The following ZNF654 variants were observed in gnomAD, a reference collection of about 807,000 sequenced individuals.
ZNF654 encodes zinc finger protein 654.
A neutral mutation model predicts 95.3 loss-of-function variants in ZNF654; 19 were observed. The observed-to-expected ratio is 0.20, with a 90% CI of 0.14 to 0.29. ZNF654 has a LOEUF of 0.29. Ranked by LOEUF, ZNF654 falls within the 10% of genes least tolerant of loss-of-function variation. The pLI is 1.00. For synonymous variants in ZNF654, 413 were observed against 457.9 expected (o/e 0.90, Z 1.25); for missense variants, 1,046 against 1,341.0 (o/e 0.78, Z 3.44).
intron 2 of ZNF654, among the ~76,000 whole-genome samples, chr3:88,105,587 A>G (rs1704686227): frequency 6.6e-6 from 1 of 152,168 alleles, no homozygotes; most frequent in Admixed American, 6.5e-5. Context: ...GTTGCTAAAT[A>G]TGCCCAGTGT....
intron 1 of ZNF654, among the ~76,000 whole-genome samples, chr3:88,075,802 T>C (rs1488980567): frequency 2.6e-5 from 4 of 152,162 alleles, no homozygotes; most frequent in Non-Finnish European, 5.9e-5. Context: ...TCTTGTAGTG[T>C]CTTCCGTAAT....
Position 88,129,028 on chromosome 3 carries a change from T to C in ZNF654, c.753+17T>C. The C allele has an allele frequency of 1.3e-6, 2 of 1,517,504 alleles. No individual in the cohort carries two copies. The highest frequency in any genetic ancestry group is 1.8e-6 in the Non-Finnish European group (2 of 1,136,662). 94.0% of individuals were successfully genotyped at this position (1,517,504 alleles called of 1,614,324 possible). On this transcript the variant is annotated intron_variant, in intron 5 of 8. Transcript: ENST00000636215. ...TTCCGGGAGGTATTGTTTGAGACTA[T>C]TTTTGCCTATTACCATTTTAACCCT...
intron 2 of ZNF654, among the ~76,000 whole-genome samples, chr3:88,107,284 C>T (rs1704801747): frequency 6.6e-6 from 1 of 152,066 alleles, no homozygotes; most frequent in South Asian, 2.1e-4. Flanking sequence ...ATTTTTAAAG[C>T]CTAGATGAGA....
intron 1 of ZNF654, among the ~76,000 whole-genome samples, chr3:88,077,952 C>T (rs1576219006): frequency 6.6e-6 from 1 of 152,040 alleles, no homozygotes; most frequent in African/African-American, 2.4e-5. Context: ...TTTTAGGTGA[C>T]TATTATGAAT....
At chr3:88,089,866 G>A (rs11128021) in intron 2 of ZNF654, among the ~76,000 whole-genome samples, 22,453 of 152,018 alleles carry the variant, frequency 0.15, 1,730 homozygotes, top group African/African-American at 0.17. Flanking sequence ...TAAGTCATGC[G>A]CTGCATAAAG....
At chr3:88,123,133 A>T (rs779380155) in intron 3 of ZNF654, among the ~76,000 whole-genome samples, 6 of 152,148 alleles carry the variant, frequency 3.9e-5, no homozygotes, top group South Asian at 2.1e-4. Context: ...CGAGGTTTTA[A>T]ATTGAATATC....
chr3:88,114,878 C>T (rs1311285870), intron 3 of ZNF654, among the ~76,000 whole-genome samples: 1 of 152,196 alleles, frequency 6.6e-6, no homozygotes, highest in East Asian at 1.9e-4. Context: ...TTTTGACTGA[C>T]ACTGATAATA....
At chr3:88,133,514 A>AG (rs1706587756) in intron 6 of ZNF654, among the ~76,000 whole-genome samples, 1 of 152,150 alleles carries the variant, frequency 6.6e-6, no homozygotes, top group Non-Finnish European at 1.5e-5. Context: ...GTATTCATGA[A>AG]GGCTTTCCTG....
intron 6 of ZNF654, among the ~76,000 whole-genome samples, chr3:88,134,512 A>T (rs546515240): frequency 6.6e-6 from 1 of 152,188 alleles, no homozygotes; most frequent in Admixed American, 6.5e-5. Context: ...TATTTGAGAA[A>T]AGAATCTACC....
At chr3:88,082,962 T>C (rs558562354) in intron 1 of ZNF654, among the ~76,000 whole-genome samples, 1 of 152,092 alleles carries the variant, frequency 6.6e-6, no homozygotes, top group Admixed American at 6.6e-5. Context: ...TGGCCATTCT[T>C]TGGTGCATGT....
Position 88,135,091 on chromosome 3 carries a change from G to C in ZNF654, c.924G>C (p.Gln308His), listed in dbSNP as rs1706698065. The stretch of plus-strand genomic sequence containing the variant: ...TGATTTTCATATGGAGTAAACTACA[G>C]CTTAAATCTAATCCTTCAAAACAAG... The part of the protein sequence containing the change: ...WELIFIWSKL[Q>H]LKSNPSKQVF... The change falls in exon 7 of 9, where the codon CAG (glutamine) becomes CAC (histidine). Residue 308 changes from glutamine to histidine, a missense_variant. Physicochemically the swap from Gln to His is conservative, Grantham distance 24. Around this residue, in one of 9 missense-constraint regions of ZNF654, gnomAD observed 121 missense variants for 141.7 expected, o/e 0.85. Coordinates refer to ENST00000636215, the MANE Select transcript of ZNF654 (RefSeq NM_001350134.2). 6.8e-7 allele frequency: 1 copy of C among 1,468,712 alleles called. No individual in the cohort carries two copies. The allele number at this position is 1,468,712 out of a possible 1,614,324, so 91.0% of individuals were successfully genotyped here.
intron 2 of ZNF654, among the ~76,000 whole-genome samples, chr3:88,095,247 G>A (rs912513310): frequency 2.0e-5 from 3 of 151,924 alleles, no homozygotes; most frequent in Non-Finnish European, 4.4e-5. Context: ...AGGACTATCA[G>A]TTATGTTAAA....
At position 88,141,778 on chromosome 3, in the gene ZNF654, A is replaced by G; in HGVS notation, c.*126A>G. On this transcript the variant is annotated 3_prime_UTR_variant, in exon 9 of 9. Transcript: ENST00000636215. ...TTAGAGTGGTCTTGGATTACTAAAGATAAAGACAAAGCACATTTTCTAGAA... is the reference window on the plus strand; with the variant it reads ...TTAGAGTGGTCTTGGATTACTAAAGGTAAAGACAAAGCACATTTTCTAGAA... 1 of 650,208 alleles carries G rather than the reference A, an allele frequency of 1.5e-6. No homozygotes were observed. The highest frequency in any genetic ancestry group is 2.4e-6 in the Non-Finnish European group (1 of 415,262). The allele number at this position is 650,208 out of a possible 1,614,324, so 40.3% of individuals were successfully genotyped here. A position where few individuals can be genotyped will look rare whatever the true frequency, so the allele number is the denominator to read the frequency against.
At position 88,140,845 on chromosome 3, in the gene ZNF654, G is replaced by A. The variant is rs1303285878; in HGVS notation, c.3176G>A (p.Arg1059Gln). 5 of 1,613,410 alleles carry A rather than the reference G, an allele frequency of 3.1e-6. No homozygotes were observed. Among genetic ancestry groups the A allele is most frequent in the African/African-American group, 1.3e-5 (1 of 74,862 alleles). Reference protein sequence around the residue: ...RPLPPSYLDERYLSMPKRRKF... With the variant: ...RPLPPSYLDEQYLSMPKRRKF... The stretch of plus-strand genomic sequence containing the variant: ...TTGCCTCCCAGTTACCTTGATGAAC[G>A]GTATCTTAGTATGCCAAAACGCAGA... Residue 1059 changes from arginine to glutamine, a missense_variant, in exon 8 of 9, where the codon CGG becomes CAG. This residue lies in a region of ZNF654 where 6 missense variants were observed against 31.0 expected (regional missense o/e 0.19). Coordinates refer to ENST00000636215, the MANE Select transcript of ZNF654 (RefSeq NM_001350134.2).
At chr3:88,136,881 T>C (rs1038756287) in intron 7 of ZNF654, among the ~76,000 whole-genome samples, 10 of 152,118 alleles carry the variant, frequency 6.6e-5, no homozygotes, top group Non-Finnish European at 1.0e-4. Flanking sequence ...TCTGTATACA[T>C]GATAATTTTA....
chr3:88,116,127 G>T (rs1705374733), intron 3 of ZNF654, among the ~76,000 whole-genome samples: 1 of 152,084 alleles, frequency 6.6e-6, no homozygotes, highest in Non-Finnish European at 1.5e-5. Context: ...TTTGGGGTGT[G>T]GTCAATCTCA....
rs1235103970 is a variant in ZNF654 at position 88,119,975 on chromosome 3, T to C, written c.415-6159T>C. Among the ~76,000 whole-genome samples, 8 of 152,156 alleles carry C rather than the reference T, an allele frequency of 5.3e-5. No individual in the cohort carries two copies. The East Asian group carries it at 7.7e-4, about 15-fold the overall frequency. ...ATGTACATTTATTACTTTTTACTTATTAAACAAGGAATAATTATTCATATT... is the reference window on the plus strand; with the variant it reads ...ATGTACATTTATTACTTTTTACTTACTAAACAAGGAATAATTATTCATATT... On this transcript the variant is annotated intron_variant, in intron 3 of 8. Coordinates refer to ENST00000636215, the MANE Select transcript of ZNF654 (RefSeq NM_001350134.2).
Position 88,059,413 on chromosome 3 carries a change from G to C in ZNF654, c.94G>C (p.Ala32Pro). The change falls in exon 1 of 9, where the codon GCT becomes CCT. Residue 32 changes from alanine to proline, a missense_variant. By Grantham distance (27) the Ala-to-Pro change is conservative (BLOSUM62 -1). This residue lies in a region of ZNF654 where 89 missense variants were observed against 77.9 expected (regional missense o/e 1.14). Coordinates refer to ENST00000636215, the MANE Select transcript of ZNF654 (RefSeq NM_001350134.2). The part of the protein sequence containing the change: ...ESPLGPVGLR[A>P]AGDGRGGAGS... The stretch of plus-strand genomic sequence containing the variant: ...CCCGCTGGGCCCTGTGGGGCTTAGA[G>C]CTGCGGGCGACGGCAGAGGCGGCGC... The C allele has an allele frequency of 2.0e-6, 3 of 1,531,274 alleles. No homozygotes were observed. The highest frequency in any genetic ancestry group is 2.6e-6 in the Non-Finnish European group (3 of 1,145,178). 94.9% of individuals were successfully genotyped at this position (1,531,274 alleles called of 1,614,324 possible).
chr3:88,100,135 TCAAA>T (rs1429471457), intron 2 of ZNF654, among the ~76,000 whole-genome samples: 7 of 151,720 alleles, frequency 4.6e-5, no homozygotes, highest in Non-Finnish European at 7.4e-5. Context: ...CAAGAAAAAA[TCAAA>T]CAACCCCATC....
Sources: allele counts gnomAD v4.1 joint callset (sites outside exome capture counted in the v4.1 genomes callset), GRCh38; gene constraint gnomAD v4.1.1; regional missense constraint gnomAD v4.1.1; transcripts MANE v1.5; gene names NCBI Gene and HGNC (gene_info 2026-07-23, HGNC 2026-07-21).